RPS6KC1: variants seen among roughly 807,000 people sequenced by gnomAD.
RPS6KC1 encodes the protein inactive ribosomal protein S6 kinase delta-1.
In RPS6KC1, 54 loss-of-function variants were observed where a neutral mutation model predicts 103.8. The observed-to-expected ratio is 0.52, with a 90% CI of 0.42 to 0.65. The LOEUF (loss-of-function observed/expected upper bound fraction) is 0.65, where lower values mean the gene tolerates loss of function less well. Ranked by LOEUF, RPS6KC1 falls within the 30% of genes least tolerant of loss-of-function variation. The pLI is 0.00. For missense variants in RPS6KC1, 1,151 were observed against 1,253.8 expected (o/e 0.92, Z 1.24); for synonymous variants, 439 against 438.7 (o/e 1.00, Z -0.01).
At chr1:213,734,675 C>A in the RPS6KC1 span, among the ~76,000 whole-genome samples, 10 of 152,312 alleles carry the variant, frequency 6.6e-5, no homozygotes, top group South Asian at 2.1e-3. Context: ...AGATGGCTGG[C>A]CAGGCCCACT....
the RPS6KC1 span, among the ~76,000 whole-genome samples, chr1:213,745,643 G>A: frequency 6.6e-6 from 1 of 152,130 alleles, no homozygotes; most frequent in Admixed American, 6.5e-5. Flanking sequence ...ATTGCAGGGT[G>A]CAGCTGTGAG....
chr1:213,200,051 G>A (rs1213003956), intron 8 of RPS6KC1, among the ~76,000 whole-genome samples: 1 of 152,140 alleles, frequency 6.6e-6, no homozygotes, highest in Non-Finnish European at 1.5e-5. Context: ...TGTTAAAATG[G>A]CCATACTGCC....
intron 7 of RPS6KC1, among the ~76,000 whole-genome samples, chr1:213,171,161 C>G (rs986298643): frequency 6.6e-6 from 1 of 152,018 alleles, no homozygotes; most frequent in Non-Finnish European, 1.5e-5. Flanking sequence ...TTCTAAGTTT[C>G]CCAGTCATTC....
the RPS6KC1 span, among the ~76,000 whole-genome samples, chr1:213,856,615 C>T: frequency 4.6e-5 from 7 of 152,224 alleles, no homozygotes; most frequent in African/African-American, 7.2e-5. Context: ...CTATAAACTA[C>T]GTTTTTTGCA....
the RPS6KC1 span, among the ~76,000 whole-genome samples, chr1:213,558,744 T>G: frequency 6.6e-6 from 1 of 152,222 alleles, no homozygotes; most frequent in Non-Finnish European, 1.5e-5. Flanking sequence ...AACCTATTGT[T>G]GTGCCAATCA....
chr1:213,258,905 G>A (rs2094715017), intron 12 of RPS6KC1, among the ~76,000 whole-genome samples: 2 of 152,160 alleles, frequency 1.3e-5, no homozygotes, highest in African/African-American at 4.8e-5. Flanking sequence ...GGTAGCATAT[G>A]TACTTTGAAA....
chr1:213,708,974 T>G, the RPS6KC1 span, among the ~76,000 whole-genome samples: 18 of 152,220 alleles, frequency 1.2e-4, no homozygotes, highest in Admixed American at 5.9e-4. Flanking sequence ...TGGGGATTTT[T>G]GCATCAATAT....
intron 12 of RPS6KC1, among the ~76,000 whole-genome samples, chr1:213,246,592 A>AT (rs1223000674): frequency 6.6e-6 from 1 of 152,166 alleles, no homozygotes; most frequent in African/African-American, 2.4e-5. Flanking sequence ...GTGCTTTATC[A>AT]TTTGATTTAT....
the RPS6KC1 span, among the ~76,000 whole-genome samples, chr1:213,289,359 TA>T: frequency 6.6e-6 from 1 of 151,904 alleles, no homozygotes; most frequent in Non-Finnish European, 1.5e-5. Context: ...AAGAGTTTTG[TA>T]AAGAAATTTT....
At chr1:213,695,615 T>C in the RPS6KC1 span, among the ~76,000 whole-genome samples, 1 of 152,378 alleles carries the variant, frequency 6.6e-6, no homozygotes, top group Non-Finnish European at 1.5e-5. Context: ...CTTGATGCTC[T>C]CAGTGTGATC....
the RPS6KC1 span, among the ~76,000 whole-genome samples, chr1:213,320,784 A>T: frequency 2.0e-5 from 3 of 152,088 alleles, no homozygotes; most frequent in African/African-American, 7.2e-5. Context: ...ACCCCATCTG[A>T]CCTCAGCCTC....
At chr1:213,855,320 C>T in the RPS6KC1 span, among the ~76,000 whole-genome samples, 8 of 152,206 alleles carry the variant, frequency 5.3e-5, no homozygotes, top group African/African-American at 1.2e-4. Flanking sequence ...TCGTATCATC[C>T]GTCACTACTG....
At chr1:213,282,087 G>A in the RPS6KC1 span, among the ~76,000 whole-genome samples, 1 of 152,242 alleles carries the variant, frequency 6.6e-6, no homozygotes. Flanking sequence ...GGCAGCATCT[G>A]GCTTATTGGC....
the RPS6KC1 span, among the ~76,000 whole-genome samples, chr1:213,814,087 G>C: frequency 6.6e-6 from 1 of 152,230 alleles, no homozygotes. Context: ...TGTGGATGCT[G>C]TACTCAAGGA....
At chr1:213,386,673 C>T in the RPS6KC1 span, among the ~76,000 whole-genome samples, 36 of 152,228 alleles carry the variant, frequency 2.4e-4, no homozygotes, top group Middle Eastern at 3.4e-3. Flanking sequence ...TTGGGGGACT[C>T]GGTAGGGATT....
intron 4 of RPS6KC1, among the ~76,000 whole-genome samples, chr1:213,113,991 G>T (rs1165176039): frequency 3.9e-4 from 60 of 152,064 alleles, no homozygotes; most frequent in African/African-American, 9.4e-4. Flanking sequence ...AGTCAGGTAG[G>T]GTGATGCCTC....
chr1:213,428,459 T>TCTCCCCTCCCTTCC, the RPS6KC1 span, among the ~76,000 whole-genome samples: 1 of 65,062 alleles, frequency 1.5e-5, no homozygotes, highest in African/African-American at 6.8e-5. Context: ...CCTCCCTTCC[T>TCTCCCCTCCCTTCC]TCTTTCCTCC....
the RPS6KC1 span, among the ~76,000 whole-genome samples, chr1:213,601,436 A>G: frequency 6.8e-6 from 1 of 147,838 alleles, no homozygotes; most frequent in South Asian, 2.1e-4. Flanking sequence ...ATATTCATAA[A>G]TATATATATG....
chr1:213,669,228 T>C, the RPS6KC1 span, among the ~76,000 whole-genome samples: 1 of 152,210 alleles, frequency 6.6e-6, no homozygotes, highest in African/African-American at 2.4e-5. Context: ...TATCTTTTGA[T>C]TTAAAGTGAA....
Sources: gnomAD v4.1 joint callset for allele counts (sites outside exome capture counted in the v4.1 genomes callset) on GRCh38, gnomAD v4.1.1 for gene constraint, MANE v1.5 for transcripts, NCBI Gene and HGNC (gene_info 2026-07-23, HGNC 2026-07-21) for gene names.